EIF5B: variants seen among roughly 807,000 people sequenced by gnomAD.
EIF5B encodes the protein eukaryotic translation initiation factor 5B.
EIF5B carries 47 observed loss-of-function variants against 147.5 expected under a neutral mutation model. The ratio of observed to expected loss-of-function variants is 0.32; its 90% CI spans 0.25 to 0.41. EIF5B has a LOEUF of 0.41. Ranked by LOEUF, EIF5B falls within the 10% of genes least tolerant of loss-of-function variation. The pLI is 1.00. For missense variants in EIF5B, 1,064 were observed against 1,413.2 expected (o/e 0.75, Z 3.96); for synonymous variants, 455 against 456.2 (o/e 1.00, Z 0.03).
At chr2:99,364,935 T>C (rs1310635684) in intron 6 of EIF5B, among the ~76,000 whole-genome samples, 1 of 152,224 alleles carries the variant, frequency 6.6e-6, no homozygotes, top group African/African-American at 2.4e-5. Flanking sequence ...CAGGTTCATC[T>C]TGCATGGGCT....
At chr2:99,351,528 A>G (rs1297680758) in intron 1 of EIF5B, among the ~76,000 whole-genome samples, 3 of 152,202 alleles carry the variant, frequency 2.0e-5, no homozygotes, top group Non-Finnish European at 4.4e-5. Flanking sequence ...ATATTTAACA[A>G]GAAGCTGTCA....
intron 1 of EIF5B, among the ~76,000 whole-genome samples, chr2:99,345,502 A>G (rs1488268442): frequency 6.6e-6 from 1 of 151,674 alleles, no homozygotes; most frequent in Non-Finnish European, 1.5e-5. Flanking sequence ...GCTGAGGCAT[A>G]AGAATTGCTT....
chr2:99,338,142 C>G (rs1452461336), intron 1 of EIF5B, among the ~76,000 whole-genome samples: 1 of 148,016 alleles, frequency 6.8e-6, no homozygotes, highest in Non-Finnish European at 1.5e-5. Context: ...TTGTCCAGCC[C>G]TCATGCTTTT....
At chr2:99,382,742 G>C in intron 13 of EIF5B, 38 bp from the exon 14 acceptor site, 1 of 1,548,734 alleles carries the variant, frequency 6.5e-7, no homozygotes, top group Non-Finnish European at 8.7e-7. Flanking sequence ...TTAATTTCAA[G>C]ATTTTCTACT....
intron 6 of EIF5B, among the ~76,000 whole-genome samples, chr2:99,365,995 T>C (rs909302500): frequency 2.3e-4 from 35 of 152,150 alleles, no homozygotes; most frequent in African/African-American, 8.2e-4. Flanking sequence ...TCTCAGAGAG[T>C]GTAGGCATCT....
At chr2:99,354,784 T>C (rs1674057292) in intron 1 of EIF5B, among the ~76,000 whole-genome samples, 1 of 145,780 alleles carries the variant, frequency 6.9e-6, no homozygotes, top group Admixed American at 7.2e-5. Context: ...TGTCAAAAAT[T>C]AATTGGTTGT....
At chr2:99,385,656 C>T (rs1400678236) in intron 14 of EIF5B, among the ~76,000 whole-genome samples, 1 of 152,160 alleles carries the variant, frequency 6.6e-6, no homozygotes, top group Non-Finnish European at 1.5e-5. Flanking sequence ...AGAAGCACTA[C>T]TAGGAAACCC....
chr2:99,344,310 G>C (rs1285518715), intron 1 of EIF5B, among the ~76,000 whole-genome samples: 1 of 152,160 alleles, frequency 6.6e-6, no homozygotes, highest in African/African-American at 2.4e-5. Context: ...TGGCACCCTT[G>C]TCAGATCATT....
chr2:99,352,980 G>A (rs1204125886), intron 1 of EIF5B, among the ~76,000 whole-genome samples: 1 of 139,720 alleles, frequency 7.2e-6, no homozygotes, highest in Non-Finnish European at 1.5e-5. Flanking sequence ...ATGCCACTAT[G>A]CCTGGCTAAT....
At chr2:99,364,753 C>G (rs1369385389) in intron 6 of EIF5B, among the ~76,000 whole-genome samples, 1 of 152,120 alleles carries the variant, frequency 6.6e-6, no homozygotes, top group African/African-American at 2.4e-5. Flanking sequence ...TGTTTTGTAC[C>G]TCTCCATCTA....
chr2:99,378,343 C>T lies in EIF5B; in HGVS notation c.1843-676C>T, dbSNP rs371438652. On this transcript the variant is annotated intron_variant, in intron 10 of 23. Transcript: ENST00000289371. ...CATTTCAAAGAAAACCTATTGCTGGCATGTGTTTTTGGTCCTCAGAAAGCT... is the reference window on the plus strand; with the variant it reads ...CATTTCAAAGAAAACCTATTGCTGGTATGTGTTTTTGGTCCTCAGAAAGCT... 3.9e-5 allele frequency among the ~76,000 whole-genome samples: 6 copies of T among 152,260 alleles called. No homozygotes were observed. In the South Asian group the frequency reaches 1.0e-3, roughly 26 times the overall value.
Position 99,361,750 on chromosome 2 carries a change from C to A in EIF5B, c.849C>A (p.Ser283=). The change falls in exon 4 of 24, where the codon TCC becomes TCA. Residue 283 remains serine, a synonymous_variant. Coordinates refer to ENST00000289371, the MANE Select transcript of EIF5B (RefSeq NM_015904.4). ...QRKFEEETVK[S]KVTVDTGVIP... ...AATTTGAAGAAGAAACTGTAAAATC[C>A]AAAGTGACTGTTGATACTGGAGTAA... 1.3e-6 allele frequency: 2 copies of A among 1,590,902 alleles called. No homozygotes were observed. Among genetic ancestry groups the A allele is most frequent in the South Asian group, 2.3e-5 (2 of 85,722 alleles).
At chr2:99,356,845 A>G (rs958700235) in intron 1 of EIF5B, among the ~76,000 whole-genome samples, 8 of 151,948 alleles carry the variant, frequency 5.3e-5, no homozygotes, top group African/African-American at 1.9e-4. Context: ...TCTTTGTTTT[A>G]ATTTGCATTT....
intron 14 of EIF5B, among the ~76,000 whole-genome samples, chr2:99,384,562 A>G (rs1267126077): frequency 6.6e-6 from 1 of 152,246 alleles, no homozygotes; most frequent in Non-Finnish European, 1.5e-5. Flanking sequence ...GATTTGGGCA[A>G]AAGTTGAAAA....
chr2:99,360,127 T>C, intron 1 of EIF5B, 109 bp from the exon 2 acceptor site: 1 of 1,307,826 alleles, frequency 7.6e-7, no homozygotes, highest in African/African-American at 1.5e-5. Flanking sequence ...AAATGATTTT[T>C]CTCATTGTGC....
intron 1 of EIF5B, among the ~76,000 whole-genome samples, chr2:99,352,962 A>G (rs1255206126): frequency 2.0e-5 from 3 of 148,030 alleles, no homozygotes; most frequent in African/African-American, 7.5e-5. Context: ...AGCTGAAAGT[A>G]CAGGCACATG....
At chr2:99,396,106 G>A (rs1675040482) in intron 21 of EIF5B, among the ~76,000 whole-genome samples, 1 of 152,172 alleles carries the variant, frequency 6.6e-6, no homozygotes, top group East Asian at 1.9e-4. Context: ...GAGTGATGGC[G>A]TAGTTTGGGA....
Position 99,394,547 on chromosome 2 carries a change from T to C in EIF5B, c.3051T>C (p.Asp1017=). The part of the protein sequence containing the change: ...GINIGPVHKK[D]VMKASVMLEH... ...ACATTGGCCCAGTGCATAAAAAAGA[T>C]GTTATGAAGGCTTCAGTGATGTTGG... Residue 1017 remains aspartate, a synonymous_variant, in exon 20 of 24, where the codon GAT becomes GAC. Transcript: ENST00000289371. 6.2e-7 allele frequency: 1 copy of C among 1,614,168 alleles called. No homozygotes were observed. The highest frequency in any genetic ancestry group is 8.5e-7 in the Non-Finnish European group (1 of 1,180,032).
At chr2:99,378,532 T>C (rs1674609566) in intron 10 of EIF5B, among the ~76,000 whole-genome samples, 1 of 152,234 alleles carries the variant, frequency 6.6e-6, no homozygotes, top group Non-Finnish European at 1.5e-5. Context: ...AAAGGTTTTA[T>C]AGCATTTGTA....
Sources: gnomAD v4.1 joint callset for allele counts (sites outside exome capture counted in the v4.1 genomes callset) on GRCh38, gnomAD v4.1.1 for gene constraint, MANE v1.5 for transcripts, NCBI Gene and HGNC (gene_info 2026-07-23, HGNC 2026-07-21) for gene names.